The following KLHL32 variants were observed in gnomAD, a reference collection of about 807,000 sequenced individuals.
The protein encoded by KLHL32 is kelch like family member 32.
KLHL32 carries 35 observed loss-of-function variants against 64.8 expected under a neutral mutation model. That is an observed-to-expected ratio of 0.54 (90% CI 0.41 to 0.72). KLHL32 has a LOEUF of 0.72. Among genes scored for constraint, KLHL32 ranks in the 30% least tolerant of loss-of-function variants. The probability of loss-of-function intolerance (pLI) is 0.00; values close to 1 mark genes in which losing one functional copy is unlikely to be tolerated. For missense variants in KLHL32, 589 were observed against 768.5 expected (o/e 0.77, Z 2.76); for synonymous variants, 259 against 281.0 (o/e 0.92, Z 0.78).
chr6:97,124,110 A>G (rs1446580689), intron 7 of KLHL32, among the ~76,000 whole-genome samples: 1 of 152,172 alleles, frequency 6.6e-6, no homozygotes, highest in Non-Finnish European at 1.5e-5. Context: ...GTATCTTAGT[A>G]TTGAGAGAAA....
At chr6:97,083,389 C>G (rs1410640679) in intron 5 of KLHL32, among the ~76,000 whole-genome samples, 1 of 140,868 alleles carries the variant, frequency 7.1e-6, no homozygotes, top group African/African-American at 2.6e-5. Context: ...GACTCCGTCT[C>G]AAAAAAAAAA....
At chr6:96,944,129 A>G (rs1771663562) in intron 1 of KLHL32, among the ~76,000 whole-genome samples, 1 of 152,158 alleles carries the variant, frequency 6.6e-6, no homozygotes, top group South Asian at 2.1e-4. Flanking sequence ...GATGGGAGCA[A>G]CTGGAATTAG....
chr6:96,995,849 C>A (rs1054820068), intron 3 of KLHL32, among the ~76,000 whole-genome samples: 18 of 152,234 alleles, frequency 1.2e-4, no homozygotes, highest in African/African-American at 4.3e-4. Flanking sequence ...CAGCTTGTCA[C>A]CTTCCAGGAA....
intron 5 of KLHL32, among the ~76,000 whole-genome samples, chr6:97,076,732 C>G (rs1791652888): frequency 6.6e-6 from 1 of 152,168 alleles, no homozygotes; most frequent in South Asian, 2.1e-4. Context: ...AAGTAGCACA[C>G]AGTTCTGAAA....
chr6:96,934,838 G>A (rs1770385639), intron 1 of KLHL32, among the ~76,000 whole-genome samples: 1 of 152,156 alleles, frequency 6.6e-6, no homozygotes, highest in Non-Finnish European at 1.5e-5. Flanking sequence ...TTCCACTGTG[G>A]ATATAATCTT....
intron 1 of KLHL32, among the ~76,000 whole-genome samples, chr6:96,959,206 G>T (rs1773618315): frequency 6.6e-6 from 1 of 152,128 alleles, no homozygotes; most frequent in East Asian, 1.9e-4. Flanking sequence ...CAACGTCATG[G>T]ATTCCTCAGC....
At chr6:97,017,616 T>G (rs2128100685) in intron 3 of KLHL32, among the ~76,000 whole-genome samples, 1 of 152,314 alleles carries the variant, frequency 6.6e-6, no homozygotes, top group South Asian at 2.1e-4. Context: ...CAGACTATTC[T>G]GGAAATTATA....
intron 3 of KLHL32, among the ~76,000 whole-genome samples, chr6:96,988,594 C>T (rs1777422812): frequency 6.6e-6 from 1 of 152,110 alleles, no homozygotes; most frequent in African/African-American, 2.4e-5. Flanking sequence ...CCCAGCCATC[C>T]CATTACTGGG....
At chr6:96,965,100 G>C (rs1774308731) in intron 1 of KLHL32, among the ~76,000 whole-genome samples, 1 of 152,166 alleles carries the variant, frequency 6.6e-6, no homozygotes, top group Non-Finnish European at 1.5e-5. Context: ...TGTGTTATTT[G>C]TTTTTCTGTT....
chr6:96,925,876 C>A (rs1769084118), intron 1 of KLHL32, among the ~76,000 whole-genome samples: 1 of 152,156 alleles, frequency 6.6e-6, no homozygotes, highest in Non-Finnish European at 1.5e-5. Context: ...AGATCTATCT[C>A]TATACACAGA....
intron 3 of KLHL32, 131 bp downstream of exon 3, chr6:96,976,308 T>C: frequency 1.2e-6 from 1 of 817,172 alleles, no homozygotes; most frequent in Non-Finnish European, 1.8e-6. Flanking sequence ...CTTTGTTCTT[T>C]CCTGGGTAGA....
chr6:97,129,229 G>A (rs1292977630), intron 8 of KLHL32, among the ~76,000 whole-genome samples: 1 of 152,124 alleles, frequency 6.6e-6, no homozygotes, highest in African/African-American at 2.4e-5. Context: ...TTGTTGTTGT[G>A]TCTTGCTTCT....
At chr6:96,907,788 T>C in the KLHL32 span, among the ~76,000 whole-genome samples, 1 of 152,192 alleles carries the variant, frequency 6.6e-6, no homozygotes, top group Non-Finnish European at 1.5e-5. Context: ...AAGTGAAATA[T>C]GATTCATGTG....
In KLHL32 at chr6:97,022,439, A is replaced by T. The variant is rs1193447835; in HGVS notation, c.205-19053A>T. ...ATACTGTATTACCTTCTCAGAAAGG[A>T]GGACTCTAATTTTACCTGTGATAAC... On this transcript the variant is annotated intron_variant, in intron 3 of 10. Transcript: ENST00000369261. 1.3e-5 allele frequency among the ~76,000 whole-genome samples: 2 copies of T among 149,820 alleles called. 1 individual carries two copies. The highest frequency in any genetic ancestry group is 5.1e-5 in the African/African-American group (2 of 39,464).
intron 5 of KLHL32, among the ~76,000 whole-genome samples, chr6:97,070,643 C>T (rs1790565481): frequency 6.6e-6 from 1 of 152,132 alleles, no homozygotes; most frequent in Non-Finnish European, 1.5e-5. Flanking sequence ...AAAGATTCTC[C>T]TGAAAGAATA....
intron 6 of KLHL32, among the ~76,000 whole-genome samples, chr6:97,096,448 A>C (rs2128190943): frequency 6.6e-6 from 1 of 152,332 alleles, no homozygotes; most frequent in Non-Finnish European, 1.5e-5. Context: ...CACCACTCCA[A>C]GCGTATATAT....
At chr6:97,066,530 T>G (rs1200280495) in intron 5 of KLHL32, among the ~76,000 whole-genome samples, 1 of 152,264 alleles carries the variant, frequency 6.6e-6, no homozygotes, top group Non-Finnish European at 1.5e-5. Context: ...GCTTCTTGAA[T>G]AGTGGTTGAA....
chr6:96,903,184 C>T, the KLHL32 span, among the ~76,000 whole-genome samples: 2 of 151,188 alleles, frequency 1.3e-5, no homozygotes, highest in African/African-American at 4.9e-5. Context: ...AATAAAAGAA[C>T]AAATAAAATA....
At position 97,092,952 on chromosome 6, in the gene KLHL32, GT is replaced by G. The variant is rs530539812; in HGVS notation, c.627+7619del. The stretch of plus-strand genomic sequence containing the variant: ...GTGCTGCTGTTCTCATGAGTTAATA[GT>G]TTTTTTTCTTTCCTTCTTTTTAAAG... On this transcript the variant is annotated intron_variant, in intron 6 of 10. Coordinates refer to ENST00000369261, the MANE Select transcript of KLHL32 (RefSeq NM_052904.4). 2.6e-5 allele frequency among the ~76,000 whole-genome samples: 4 copies of G among 151,924 alleles called. No homozygotes were observed. The South Asian group carries it at 8.3e-4, about 32-fold the overall frequency.
Sources: allele counts gnomAD v4.1 joint callset (sites outside exome capture counted in the v4.1 genomes callset), GRCh38; gene constraint gnomAD v4.1.1; transcripts MANE v1.5; gene names NCBI Gene and HGNC (gene_info 2026-07-23, HGNC 2026-07-21).